The following RAP1GAP variants were observed in gnomAD, a reference collection of about 807,000 sequenced individuals.
RAP1GAP encodes rap1 GTPase-activating protein 1.
In RAP1GAP, 35 loss-of-function variants were observed where a neutral mutation model predicts 87.2. The ratio of observed to expected loss-of-function variants is 0.40; its 90% CI spans 0.31 to 0.53. RAP1GAP has a LOEUF of 0.53. RAP1GAP is among the 20% of genes least tolerant of loss of function. The pLI is 0.48. For synonymous variants in RAP1GAP, 375 were observed against 363.9 expected, an observed-to-expected ratio of 1.03 and a Z score of -0.35; for missense variants, 734 against 898.9, an observed-to-expected ratio of 0.82 and a Z score of 2.35.
At chr1:21,629,934 A>G (rs1404386867) in intron 2 of RAP1GAP, among the ~76,000 whole-genome samples, 1 of 152,226 alleles carries the variant, frequency 6.6e-6, no homozygotes, top group African/African-American at 2.4e-5. Context: ...ACCTCCCCAC[A>G]GAGCCTTACG....
intron 13 of RAP1GAP, among the ~76,000 whole-genome samples, chr1:21,610,629 C>T (rs1006254081): frequency 4.6e-5 from 7 of 152,006 alleles, no homozygotes; most frequent in Non-Finnish European, 7.4e-5. Flanking sequence ...ATATCAAGGC[C>T]GAGAGAAGTG....
At chr1:21,657,390 C>T (rs922160538) in intron 1 of RAP1GAP, among the ~76,000 whole-genome samples, 3 of 152,234 alleles carry the variant, frequency 2.0e-5, no homozygotes, top group African/African-American at 7.2e-5. Flanking sequence ...ACTCAAATCA[C>T]ATTATTTATG....
intron 2 of RAP1GAP, among the ~76,000 whole-genome samples, chr1:21,641,334 G>A (rs538741833): frequency 6.6e-6 from 1 of 152,224 alleles, no homozygotes; most frequent in South Asian, 2.1e-4. Flanking sequence ...GGCGGGGGAA[G>A]GAGTCCTATT....
Position 21,598,491 on chromosome 1 carries a change from T to C in RAP1GAP, c.1788A>G (p.Ser596=), listed in dbSNP as rs2148420419. ...CCCGCTTGTGGGGTGTTCCTGAGGA[T>C]GACACGCTCTCCTGGGGAGGGGGTG... ...DGEDTGLESV[S]SSGTPHKRDS... is the part of the protein sequence containing the mutation. The change falls in exon 22 of 25, where the codon TCA becomes TCG. Residue 596 remains serine, a synonymous_variant. Transcript: ENST00000374765. 1.9e-6 allele frequency: 3 copies of C among 1,612,402 alleles called. No homozygotes were observed. In the South Asian group the frequency reaches 3.3e-5, roughly 18 times the overall value.
chr1:21,611,976 C>G (rs372066026), intron 11 of RAP1GAP, 50 bp downstream of exon 11: 1 of 1,496,500 alleles, frequency 6.7e-7, no homozygotes, highest in Admixed American at 1.9e-5. Flanking sequence ...GTGTGAGGCT[C>G]CAGATATGGG....
chr1:21,606,283 C>T, intron 17 of RAP1GAP, 86 bp from the exon 18 acceptor site: 11 of 1,505,930 alleles, frequency 7.3e-6, no homozygotes, highest in Non-Finnish European at 9.8e-6. Flanking sequence ...CATCTGGTCT[C>T]TCCCCAGCAA....
chr1:21,618,618 T>G (rs2084019719), intron 5 of RAP1GAP, among the ~76,000 whole-genome samples: 1 of 152,048 alleles, frequency 6.6e-6, no homozygotes, highest in South Asian at 2.1e-4. Context: ...AGCTCATAAG[T>G]CTCCTAGGGC....
At position 21,612,042 on chromosome 1, in the gene RAP1GAP, T is replaced by G. The variant is rs759618497; in HGVS notation, c.596A>C (p.Tyr199Ser). 1 of 1,554,446 alleles carries G rather than the reference T, an allele frequency of 6.4e-7. No homozygotes were observed. Among genetic ancestry groups the G allele is most frequent in the African/African-American group, 1.4e-5 (1 of 73,284 alleles). ...ISNNFKFGVI[Y>S]QKLGQTSEEE... The stretch of plus-strand genomic sequence containing the variant: ...TGAGCACACCTGCCCAAGCTTCTGA[T>G]AAATGACGCCAAACTTGAAGTTATT... Residue 199 changes from tyrosine (Y) to serine (S), a missense_variant, in exon 11 of 25, where the codon TAT becomes TCT. Around this residue, in one of 2 missense-constraint regions of RAP1GAP, gnomAD observed 485 missense variants for 646.2 expected, o/e 0.75. Coordinates refer to ENST00000374765, the MANE Select transcript of RAP1GAP (RefSeq NM_002885.4).
chr1:21,608,964 AGGAAG>A (rs1270424406), intron 15 of RAP1GAP, 28 bp from the exon 16 acceptor site: 1 of 1,579,284 alleles, frequency 6.3e-7, no homozygotes, highest in East Asian at 2.2e-5. Context: ...GGAGGAGATA[AGGAAG>A]GGAAGTTGAG....
chr1:21,607,680 G>A (rs1217295016), intron 17 of RAP1GAP, among the ~76,000 whole-genome samples: 1 of 152,044 alleles, frequency 6.6e-6, no homozygotes, highest in Non-Finnish European at 1.5e-5. Context: ...ATTCCCAGGT[G>A]AATTCCCCAC....
chr1:21,630,256 T>G (rs1198906648), intron 2 of RAP1GAP, among the ~76,000 whole-genome samples: 1 of 148,476 alleles, frequency 6.7e-6, no homozygotes, highest in East Asian at 2.1e-4. Flanking sequence ...AAATACTTTT[T>G]TCTTTTTCCC....
At chr1:21,600,131 A>G (rs2066956025) in intron 20 of RAP1GAP, among the ~76,000 whole-genome samples, 1 of 151,788 alleles carries the variant, frequency 6.6e-6, no homozygotes, top group South Asian at 2.1e-4. Context: ...TCCACAGTCT[A>G]CTCTCTTAAT....
Position 21,613,811 on chromosome 1 carries a change from AC to A in RAP1GAP, c.396-106del. 8.0e-7 allele frequency: 1 copy of A among 1,253,876 alleles called. No individual in the cohort carries two copies. Among genetic ancestry groups the A allele is most frequent in the Non-Finnish European group, 1.2e-6 (1 of 863,698 alleles). The allele number at this position is 1,253,876 out of a possible 1,614,324, so 77.7% of individuals were successfully genotyped here. On this transcript the variant is annotated intron_variant, in intron 8 of 24. Transcript: ENST00000374765. This position sits in a 1 kb window ranked among gnomAD's most constrained non-coding sequence, Gnocchi z 4.7. ...CAGAAGGGGGTGGACCACAGCGAGGACCAGAGGTGATGATGGGTGTCAGGCT... is the reference window on the plus strand; with the variant it reads ...CAGAAGGGGGTGGACCACAGCGAGGACAGAGGTGATGATGGGTGTCAGGCT...
At chr1:21,617,233 C>T in intron 7 of RAP1GAP, 73 bp downstream of exon 7, 3 of 1,503,116 alleles carry the variant, frequency 2.0e-6, no homozygotes, top group Non-Finnish European at 2.7e-6. Context: ...TCTGCTCCCT[C>T]CCAGGCCCAC....
At chr1:21,658,438 T>C (rs2096951989) in intron 1 of RAP1GAP, among the ~76,000 whole-genome samples, 1 of 152,014 alleles carries the variant, frequency 6.6e-6, no homozygotes, top group Non-Finnish European at 1.5e-5. Flanking sequence ...TGTGGTGGCA[T>C]GCGCCTGTAG....
rs572472032 is a variant in RAP1GAP at position 21,624,775 on chromosome 1, C to G, written c.-19+1529G>C. Among the ~76,000 whole-genome samples, 4 of 152,274 alleles carry G rather than the reference C, an allele frequency of 2.6e-5. No individual in the cohort carries two copies. In the South Asian group the frequency reaches 6.2e-4, roughly 24 times the overall value. ...GGAAGCCAGGAAGCCCGAGGGGAGGCAGCTTTTCAATAATCCGAGAAGGCC... is the reference window on the plus strand; with the variant it reads ...GGAAGCCAGGAAGCCCGAGGGGAGGGAGCTTTTCAATAATCCGAGAAGGCC... On this transcript the variant is annotated intron_variant, in intron 3 of 24. Transcript: ENST00000374765.
Position 21,634,694 on chromosome 1 carries a change from TAG to T in RAP1GAP, c.-112-8299_-112-8298del. On this transcript the variant is annotated intron_variant, in intron 2 of 24. Transcript: ENST00000374765. The surrounding 1 kb of genome is among the most constrained non-coding windows in gnomAD (Gnocchi z 4.1). Reference sequence around the variant, plus strand: ...CTGAACAAATAACAGGTTGGCAGCCTAGAGAGGTGGTCACGGGACCGGTCCCT... The same window carrying T: ...CTGAACAAATAACAGGTTGGCAGCCTAGAGGTGGTCACGGGACCGGTCCCT... The T allele has an allele frequency of 2.6e-6, 1 of 377,470 alleles. No homozygotes were observed. The highest frequency in any genetic ancestry group is 5.5e-6 in the Non-Finnish European group (1 of 180,556). 23.4% of individuals were successfully genotyped at this position (377,470 alleles called of 1,614,324 possible). A position where few individuals can be genotyped will look rare whatever the true frequency, so the allele number is the denominator to read the frequency against.
chr1:21,636,329 C>T (rs1400518077), intron 2 of RAP1GAP, among the ~76,000 whole-genome samples: 1 of 152,224 alleles, frequency 6.6e-6, no homozygotes, highest in Non-Finnish European at 1.5e-5. Context: ...GCAGTGCTGA[C>T]CTCTGAGGGT....
At chr1:21,640,620 G>A (rs2095428219) in intron 2 of RAP1GAP, among the ~76,000 whole-genome samples, 1 of 152,186 alleles carries the variant, frequency 6.6e-6, no homozygotes, top group Non-Finnish European at 1.5e-5. Flanking sequence ...AGGCAACCTG[G>A]GGCCAGTGCC....
Sources: gnomAD v4.1 joint callset for allele counts (sites outside exome capture counted in the v4.1 genomes callset) on GRCh38, gnomAD v4.1.1 for gene constraint, gnomAD v4.1.1 regional missense constraint, Gnocchi (gnomAD v3.1) non-coding constraint, MANE v1.5 for transcripts, NCBI Gene and HGNC (gene_info 2026-07-23, HGNC 2026-07-21) for gene names.